METAP1: variants seen among roughly 807,000 people sequenced by gnomAD.
METAP1 encodes methionyl aminopeptidase 1.
METAP1 carries 28 observed loss-of-function variants against 53.8 expected under a neutral mutation model. The observed-to-expected ratio is 0.52, with a 90% CI of 0.39 to 0.71. The LOEUF (loss-of-function observed/expected upper bound fraction) is 0.71, where lower values mean the gene tolerates loss of function less well. Ranked by LOEUF, METAP1 falls within the 30% of genes least tolerant of loss-of-function variation. The probability of loss-of-function intolerance (pLI) is 0.00; values close to 1 mark genes in which losing one functional copy is unlikely to be tolerated. For missense variants in METAP1, 389 were observed against 479.8 expected (o/e 0.81, Z 1.77); for synonymous variants, 181 against 165.7 (o/e 1.09, Z -0.71).
chr4:99,006,121 T>A (rs116819049), intron 1 of METAP1, among the ~76,000 whole-genome samples: 1 of 152,202 alleles, frequency 6.6e-6, no homozygotes, highest in Non-Finnish European at 1.5e-5. Context: ...TCTGGAGTTG[T>A]GTATTACTCA....
In METAP1 at chr4:99,025,666, T is replaced by TC. The variant is rs1724511862; in HGVS notation, c.115-3198dup. On this transcript the variant is annotated intron_variant, in intron 1 of 10. Transcript: ENST00000296411. Reference sequence around the variant, plus strand: ...CCCCAGCAACCATCTGAATGGACTCTCCCTCCTTGGCCAGGGCACTCTAAC... The same window carrying TC: ...CCCCAGCAACCATCTGAATGGACTCTCCCCTCCTTGGCCAGGGCACTCTAAC... Among the ~76,000 whole-genome samples the TC allele has an allele frequency of 2.0e-5, 3 of 152,144 alleles. No homozygotes were observed. The South Asian group carries it at 6.2e-4, about 32-fold the overall frequency.
chr4:99,005,269 A>G (rs1010257855), intron 1 of METAP1, among the ~76,000 whole-genome samples: 5 of 152,182 alleles, frequency 3.3e-5, no homozygotes, highest in African/African-American at 1.2e-4. Flanking sequence ...TCTACAAGGA[A>G]CTCAAACAAA....
intron 4 of METAP1, among the ~76,000 whole-genome samples, chr4:99,038,885 A>G (rs1400755920): frequency 6.6e-6 from 1 of 152,082 alleles, no homozygotes; most frequent in Admixed American, 6.5e-5. Context: ...TGTCCCATTT[A>G]TTTACTTTTA....
intron 2 of METAP1, among the ~76,000 whole-genome samples, chr4:99,032,111 G>A (rs1320489827): frequency 2.0e-5 from 3 of 151,918 alleles, no homozygotes; most frequent in South Asian, 4.1e-4. Flanking sequence ...TGAATTTTCC[G>A]TTAAGTAAAT....
intron 1 of METAP1, chr4:99,022,636 C>T (rs1724211465): frequency 2.3e-6 from 2 of 879,696 alleles, no homozygotes; most frequent in Non-Finnish European, 3.6e-6. Flanking sequence ...CCTGTGTGCA[C>T]ACCTGGCGCT....
At chr4:99,028,591 A>G (rs1178852728) in intron 1 of METAP1, among the ~76,000 whole-genome samples, 1 of 152,166 alleles carries the variant, frequency 6.6e-6, no homozygotes, top group Non-Finnish European at 1.5e-5. Flanking sequence ...ATACTTCGTA[A>G]TAGTTTGTTG....
chr4:99,018,236 A>G (rs762839758), intron 1 of METAP1, among the ~76,000 whole-genome samples: 5 of 152,188 alleles, frequency 3.3e-5, no homozygotes, highest in Non-Finnish European at 7.3e-5. Context: ...TAATTAGATG[A>G]CCTAAATGTC....
chr4:99,046,269 CCAGG>C (rs1261391160), intron 8 of METAP1, among the ~76,000 whole-genome samples: 1 of 152,042 alleles, frequency 6.6e-6, no homozygotes, highest in African/African-American at 2.4e-5. Flanking sequence ...CAAAAATTAG[CCAGG>C]TGTGGTGGCG....
intron 4 of METAP1, among the ~76,000 whole-genome samples, chr4:99,037,378 G>A (rs953530832): frequency 6.6e-6 from 1 of 151,784 alleles, no homozygotes; most frequent in Non-Finnish European, 1.5e-5. Context: ...CCTTTTTGGT[G>A]CAGAAGTTAT....
At chr4:99,019,627 C>T (rs1162620020) in intron 1 of METAP1, among the ~76,000 whole-genome samples, 1 of 152,146 alleles carries the variant, frequency 6.6e-6, no homozygotes, top group Non-Finnish European at 1.5e-5. Flanking sequence ...AAAATCTCAT[C>T]CCAGGTATAT....
chr4:99,015,631 A>C (rs1723715745), intron 1 of METAP1, among the ~76,000 whole-genome samples: 3 of 152,184 alleles, frequency 2.0e-5, no homozygotes. Context: ...GTGGGAATGA[A>C]GAAGCGGCGT....
At chr4:99,011,542 AATTT>A (rs1723467477) in intron 1 of METAP1, among the ~76,000 whole-genome samples, 1 of 152,112 alleles carries the variant, frequency 6.6e-6, no homozygotes, top group South Asian at 2.1e-4. Flanking sequence ...TGTGCTATTG[AATTT>A]ATTTGTTAGT....
chr4:99,020,036 C>T (rs958987925), intron 1 of METAP1, among the ~76,000 whole-genome samples: 1 of 152,068 alleles, frequency 6.6e-6, no homozygotes, highest in Non-Finnish European at 1.5e-5. Context: ...TATTATTATT[C>T]CATTGTGGGT....
chr4:99,031,100 A>G (rs73832530), intron 2 of METAP1, among the ~76,000 whole-genome samples: 1 of 103,264 alleles, frequency 9.7e-6, no homozygotes, highest in African/African-American at 3.2e-5. Flanking sequence ...ACTCAAAGGT[A>G]GTTTTTTTTT....
intron 1 of METAP1, among the ~76,000 whole-genome samples, chr4:99,012,259 G>GT (rs1261112519): frequency 2.7e-5 from 3 of 111,182 alleles, no homozygotes; most frequent in Non-Finnish European, 5.4e-5. Flanking sequence ...AAGTCGGGTT[G>GT]TTAATGTGAG....
At chr4:99,048,909 A>G in intron 9 of METAP1, 33 bp downstream of exon 9, 1 of 1,597,934 alleles carries the variant, frequency 6.3e-7, no homozygotes, top group Non-Finnish European at 8.5e-7. Flanking sequence ...GTATAAGCTC[A>G]CCATTTATTC....
chr4:99,018,191 G>A (rs1001928390), intron 1 of METAP1, among the ~76,000 whole-genome samples: 1 of 152,132 alleles, frequency 6.6e-6, no homozygotes, highest in Non-Finnish European at 1.5e-5. Context: ...CATTTCCCTC[G>A]ACCTGTTCAG....
chr4:99,015,807 C>G (rs534989141), intron 1 of METAP1, among the ~76,000 whole-genome samples: 101 of 152,188 alleles, frequency 6.6e-4, no homozygotes, highest in Non-Finnish European at 1.1e-3. Flanking sequence ...TGATTCCAAT[C>G]TAGTTATGTT....
intron 1 of METAP1, among the ~76,000 whole-genome samples, chr4:99,015,665 A>G (rs1041239899): frequency 2.0e-5 from 3 of 152,158 alleles, no homozygotes; most frequent in Admixed American, 1.3e-4. Flanking sequence ...GATCGCATCT[A>G]TGGGAGTGAG....
Sources: allele counts gnomAD v4.1 joint callset (sites outside exome capture counted in the v4.1 genomes callset), GRCh38; gene constraint gnomAD v4.1.1; transcripts MANE v1.5; gene names NCBI Gene and HGNC (gene_info 2026-07-23, HGNC 2026-07-21).